Variants in ARHGEF10 observed in about 807,000 individuals in gnomAD.
ARHGEF10 encodes the protein Rho guanine nucleotide exchange factor (GEF) 10.
A neutral mutation model predicts 147.4 loss-of-function variants in ARHGEF10; 140 were observed. The ratio of observed to expected loss-of-function variants is 0.95; its 90% CI spans 0.83 to 1.09. ARHGEF10 has a LOEUF of 1.09. Among genes scored for constraint, ARHGEF10 ranks in the 50% least tolerant of loss-of-function variants. The pLI, the probability that ARHGEF10 is intolerant of heterozygous loss-of-function variation, is 0.00. For synonymous variants in ARHGEF10, 902 were observed against 695.8 expected, an observed-to-expected ratio of 1.30 and a Z score of -4.67; for missense variants, 2,222 against 1,752.7, an observed-to-expected ratio of 1.27 and a Z score of -4.78.
chr8:1,831,096 C>G (rs189358249), intron 1 of ARHGEF10, among the ~76,000 whole-genome samples: 1 of 152,206 alleles, frequency 6.6e-6, no homozygotes, highest in South Asian at 2.1e-4. Context: ...TGTGTCAGAG[C>G]GGCTGGAAGG....
At chr8:1,899,139 G>A (rs777420056) in intron 15 of ARHGEF10, among the ~76,000 whole-genome samples, 2 of 152,170 alleles carry the variant, frequency 1.3e-5, no homozygotes, top group Non-Finnish European at 2.9e-5. Flanking sequence ...GAGTGCTGAC[G>A]TGACGTCTCA....
chr8:1,878,890 C>T (rs1001477397), intron 8 of ARHGEF10, among the ~76,000 whole-genome samples: 2 of 151,858 alleles, frequency 1.3e-5, no homozygotes, highest in Non-Finnish European at 2.9e-5. Context: ...AACCCGGGAG[C>T]GCTGGGCTCT....
intron 1 of ARHGEF10, among the ~76,000 whole-genome samples, chr8:1,831,658 G>C (rs928548327): frequency 2.0e-5 from 3 of 152,320 alleles, no homozygotes; most frequent in Non-Finnish European, 4.4e-5. Flanking sequence ...GGGACGCGAA[G>C]GCTGCTCTGT....
At chr8:1,891,151 G>C (rs1259484941) in intron 11 of ARHGEF10, among the ~76,000 whole-genome samples, 1 of 152,166 alleles carries the variant, frequency 6.6e-6, no homozygotes, top group Non-Finnish European at 1.5e-5. Flanking sequence ...TCAATGAGAT[G>C]ATAGCTGGGA....
chr8:1,955,302 GATGGGTAGCTAGGTGCTCCCTAAA>G (rs1815435995), intron 28 of ARHGEF10, among the ~76,000 whole-genome samples: 1 of 146,358 alleles, frequency 6.8e-6, no homozygotes, highest in African/African-American at 2.5e-5. Context: ...AGTTTCTCTG[GATGGGTAGCTAGGTGCTCCCTAAA>G]AGGAGGTGCA....
intron 3 of ARHGEF10, 51 bp downstream of exon 3, chr8:1,858,166 G>GGGTCCCC (rs1554478165): frequency 0.027 from 42,249 of 1,547,560 alleles, 1,405 homozygotes; most frequent in African/African-American, 0.051. Flanking sequence ...GTCCCCAGGT[G>GGGTCCCC]AGTCCCCAGG....
intron 28 of ARHGEF10, among the ~76,000 whole-genome samples, chr8:1,955,769 T>C (rs1206722770): frequency 1.3e-5 from 2 of 152,270 alleles, no homozygotes; most frequent in Admixed American, 1.3e-4. Flanking sequence ...CTCTGTATAT[T>C]TGTGTGGCTG....
At chr8:1,857,791 A>G (rs556902285) in intron 2 of ARHGEF10, among the ~76,000 whole-genome samples, 169 bp from the exon 3 acceptor site, 6 of 152,184 alleles carry the variant, frequency 3.9e-5, no homozygotes, top group Admixed American at 3.3e-4. Flanking sequence ...TTCTAATGAT[A>G]CTTATTTTGC....
chr8:1,888,111 A>G (rs199560742), intron 11 of ARHGEF10, among the ~76,000 whole-genome samples: 2 of 97,212 alleles, frequency 2.1e-5, no homozygotes, highest in African/African-American at 7.2e-5. Flanking sequence ...TTTTGAGGAG[A>G]CACTTAGTGG....
At chr8:1,922,244 G>A (rs1035715578) in intron 18 of ARHGEF10, among the ~76,000 whole-genome samples, 1 of 150,038 alleles carries the variant, frequency 6.7e-6, no homozygotes, top group Middle Eastern at 3.4e-3. Flanking sequence ...CCAAGTCATC[G>A]AAGACAAACC....
At chr8:1,913,770 G>A (rs982491002) in intron 18 of ARHGEF10, among the ~76,000 whole-genome samples, 3 of 152,242 alleles carry the variant, frequency 2.0e-5, no homozygotes, top group Admixed American at 6.5e-5. Flanking sequence ...TCCCGGAAGC[G>A]TGTCCTGAGT....
intron 11 of ARHGEF10, among the ~76,000 whole-genome samples, chr8:1,892,275 CTCTGTGTGTG>C (rs1334881990): frequency 4.3e-5 from 4 of 93,422 alleles, no homozygotes; most frequent in South Asian, 3.9e-4. Flanking sequence ...CAGCTTCTGG[CTCTGTGTGTG>C]TGTGTGTGTG....
chr8:1,921,307 G>C (rs1276912718), intron 18 of ARHGEF10, among the ~76,000 whole-genome samples: 1 of 152,032 alleles, frequency 6.6e-6, no homozygotes, highest in African/African-American at 2.4e-5. Flanking sequence ...GAAATATGTA[G>C]GTTCTTTCAG....
chr8:1,849,386 A>G (rs1370398061), intron 2 of ARHGEF10, among the ~76,000 whole-genome samples: 1 of 151,284 alleles, frequency 6.6e-6, no homozygotes, highest in Non-Finnish European at 1.5e-5. Flanking sequence ...ACAGAAGGCA[A>G]ATGCCGAGGA....
rs1430928548 is a variant in ARHGEF10, at chr8:1,919,024, TATGGAGCTGTTCTGTGGGTG to T, written c.2144-3924_2144-3905del. Among the ~76,000 whole-genome samples the T allele has an allele frequency of 2.9e-5, 4 of 138,758 alleles. No individual in the cohort carries two copies. The East Asian group carries it at 6.6e-4, about 23-fold the overall frequency. The allele number at this position is 138,758 out of a possible 152,430, so 91.0% of individuals were successfully genotyped here. ...GTGGGTGATGGAGGTGTTCTGTGGA[TATGGAGCTGTTCTGTGGGTG>T]ATGGAGCTGTTCTGTAGAGTGATAG... On this transcript the variant is annotated intron_variant, in intron 18 of 28. Coordinates refer to ENST00000349830, the MANE Select transcript of ARHGEF10 (RefSeq NM_014629.4).
chr8:1,940,061 G>A (rs572851118), intron 26 of ARHGEF10, among the ~76,000 whole-genome samples: 38 of 152,274 alleles, frequency 2.5e-4, no homozygotes, highest in African/African-American at 5.8e-4. Context: ...AGGAGGTTGC[G>A]CTGGGTTAAA....
At chr8:1,874,870 TGGTG>T (rs1447997120) in intron 7 of ARHGEF10, among the ~76,000 whole-genome samples, 1 of 84,356 alleles carries the variant, frequency 1.2e-5, no homozygotes, top group Non-Finnish European at 2.5e-5. Flanking sequence ...TAAGACAGTC[TGGTG>T]GGAGAGTGCA....
At chr8:1,896,844 C>T (rs934034762) in intron 14 of ARHGEF10, among the ~76,000 whole-genome samples, 3 of 152,174 alleles carry the variant, frequency 2.0e-5, no homozygotes, top group South Asian at 4.1e-4. Flanking sequence ...GAGCCTGGAG[C>T]GGGCCCTACC....
chr8:1,856,787 C>T (rs1237444281), intron 2 of ARHGEF10, among the ~76,000 whole-genome samples: 1 of 152,214 alleles, frequency 6.6e-6, no homozygotes, highest in Non-Finnish European at 1.5e-5. Flanking sequence ...GTGCCACCTG[C>T]TTCTGTGGAT....
Sources: allele counts gnomAD v4.1 joint callset (sites outside exome capture counted in the v4.1 genomes callset), GRCh38; gene constraint gnomAD v4.1.1; transcripts MANE v1.5; gene names NCBI Gene and HGNC (gene_info 2026-07-23, HGNC 2026-07-21).